The following ARL15 variants were observed in gnomAD, a reference collection of about 807,000 sequenced individuals.
ARL15 encodes the protein ADP-ribosylation factor-like protein 15.
ARL15 carries 19 observed loss-of-function variants against 25.2 expected under a neutral mutation model. That is an observed-to-expected ratio of 0.75 (90% CI 0.53 to 1.10). ARL15 has a LOEUF of 1.10. Among genes scored for constraint, ARL15 ranks in the 50% least tolerant of loss-of-function variants. The pLI, the probability that ARL15 is intolerant of heterozygous loss-of-function variation, is 0.00. For synonymous variants in ARL15, 94 were observed against 86.8 expected (o/e 1.08, Z -0.46); for missense variants, 220 against 246.0 (o/e 0.89, Z 0.71).
At chr5:54,153,476 G>T (rs1242527249) in intron 3 of ARL15, among the ~76,000 whole-genome samples, 1 of 152,010 alleles carries the variant, frequency 6.6e-6, no homozygotes. Context: ...ATAGAACACA[G>T]TCTTTTAAAA....
intron 3 of ARL15, among the ~76,000 whole-genome samples, chr5:54,146,318 G>A (rs183367544): frequency 2.0e-5 from 3 of 152,172 alleles, no homozygotes; most frequent in South Asian, 2.1e-4. Context: ...ATTTGTAGGG[G>A]CCAAAGCAAG....
intron 4 of ARL15, among the ~76,000 whole-genome samples, chr5:53,889,801 G>T (rs1212162232): frequency 1.4e-5 from 2 of 145,056 alleles, no homozygotes; most frequent in East Asian, 4.1e-4. Context: ...TTATGTTCTA[G>T]TTCTGACTGT....
intron 3 of ARL15, among the ~76,000 whole-genome samples, chr5:54,143,876 T>C: frequency 6.6e-6 from 1 of 152,206 alleles, no homozygotes; most frequent in Non-Finnish European, 1.5e-5. Flanking sequence ...TTTATGAATA[T>C]ATCATCCTAT....
chr5:54,064,829 T>C (rs1175912103), intron 4 of ARL15, among the ~76,000 whole-genome samples: 1 of 152,170 alleles, frequency 6.6e-6, no homozygotes, highest in African/African-American at 2.4e-5. Flanking sequence ...TCAACTTATA[T>C]GCAGATAAAA....
chr5:53,925,253 G>T (rs562681547), intron 4 of ARL15, among the ~76,000 whole-genome samples: 1 of 151,550 alleles, frequency 6.6e-6, no homozygotes, highest in Admixed American at 6.6e-5. Flanking sequence ...CTGGAGTGCA[G>T]TGGTGCAATC....
At chr5:54,160,625 T>C (rs1162695579) in intron 2 of ARL15, among the ~76,000 whole-genome samples, 1 of 152,210 alleles carries the variant, frequency 6.6e-6, no homozygotes. Flanking sequence ...TGCAAATTAC[T>C]CAAATTTTCT....
At chr5:54,079,907 T>C (rs1371098815) in intron 4 of ARL15, among the ~76,000 whole-genome samples, 1 of 149,234 alleles carries the variant, frequency 6.7e-6, no homozygotes, top group Non-Finnish European at 1.5e-5. Flanking sequence ...GAGGCGGAGG[T>C]TGCAGTGAGC....
At chr5:54,204,147 C>T (rs1317479399) in intron 1 of ARL15, among the ~76,000 whole-genome samples, 2 of 152,136 alleles carry the variant, frequency 1.3e-5, no homozygotes, top group Non-Finnish European at 2.9e-5. Context: ...GAGAGGAAAT[C>T]AATGTCTGTG....
Position 54,261,819 on chromosome 5 carries a change from T to C in ARL15, c.48+48613A>G, listed in dbSNP as rs149211583. Among the ~76,000 whole-genome samples, 955 of 152,168 alleles carry C rather than the reference T, an allele frequency of 6.3e-3. 7 individuals are homozygous for C. The highest frequency in any genetic ancestry group is 0.022 in the African/African-American group (914 of 41,506). On this transcript the variant is annotated intron_variant, in intron 1 of 4. Transcript: ENST00000504924. ...GGGTGGGGGTCACTTGCTCTTATCA[T>C]CTAGGAATGAACAAGCGAAAATTCC... is the stretch of plus-strand genomic sequence containing the variant.
chr5:54,048,057 C>T (rs1170372240), intron 4 of ARL15: 1 of 152,110 alleles, frequency 6.6e-6, no homozygotes, highest in Non-Finnish European at 1.5e-5. Context: ...TAGCTATTCA[C>T]AGGAGTAATC....
intron 4 of ARL15, among the ~76,000 whole-genome samples, chr5:54,110,941 G>C (rs1752721930): frequency 6.6e-6 from 1 of 152,062 alleles, no homozygotes; most frequent in South Asian, 2.1e-4. Flanking sequence ...ACAGTACACA[G>C]AGAAACTTCT....
intron 3 of ARL15, among the ~76,000 whole-genome samples, chr5:54,140,256 G>GA (rs11341805): frequency 5.1e-4 from 72 of 141,100 alleles, no homozygotes; most frequent in African/African-American, 1.6e-3. Context: ...GATTTTGAAA[G>GA]AAAAAAAAAA....
At position 53,896,641 on chromosome 5, in the gene ARL15, C is replaced by T. The variant is rs575131147; in HGVS notation, c.463-9928G>A. Among the ~76,000 whole-genome samples the T allele has an allele frequency of 4.4e-3, 666 of 151,964 alleles. 14 individuals are homozygous for T. The highest frequency in any genetic ancestry group is 1.9e-3 in the Non-Finnish European group (127 of 67,958). Reference sequence around the variant, plus strand: ...CCTCCAGAGCAGCTGGGACTACAGGCGCCCGCCACCACGCCCGGCTAATTT... The same window carrying T: ...CCTCCAGAGCAGCTGGGACTACAGGTGCCCGCCACCACGCCCGGCTAATTT... On this transcript the variant is annotated intron_variant, in intron 4 of 4. Transcript: ENST00000504924.
intron 4 of ARL15, among the ~76,000 whole-genome samples, chr5:53,954,845 T>A (rs147432405): frequency 2.0e-5 from 3 of 152,202 alleles, no homozygotes; most frequent in Non-Finnish European, 4.4e-5. Context: ...AACTATTTTA[T>A]GGAAAGAGCA....
At chr5:53,948,365 C>A (rs1309077751) in intron 4 of ARL15, among the ~76,000 whole-genome samples, 3 of 152,188 alleles carry the variant, frequency 2.0e-5, no homozygotes, top group Admixed American at 6.5e-5. Context: ...TATATGACTA[C>A]CTACAGAAGC....
At chr5:54,154,767 T>C (rs1579854046) in intron 2 of ARL15, 128 bp from the exon 3 acceptor site, 1 of 571,618 alleles carries the variant, frequency 1.7e-6, no homozygotes, top group East Asian at 3.3e-5. Flanking sequence ...ATATTTATAC[T>C]AGAAACACAT....
chr5:54,025,471 G>A (rs893653949), intron 4 of ARL15, among the ~76,000 whole-genome samples: 11 of 152,000 alleles, frequency 7.2e-5, no homozygotes, highest in Non-Finnish European at 5.9e-5. Flanking sequence ...AAGAACCTGA[G>A]GCAAATTTCT....
chr5:53,977,900 T>G (rs1490462601), intron 4 of ARL15, among the ~76,000 whole-genome samples: 1 of 151,344 alleles, frequency 6.6e-6, no homozygotes, highest in Non-Finnish European at 1.5e-5. Flanking sequence ...TGGAGTTTTA[T>G]AAAGTATTTT....
intron 3 of ARL15, among the ~76,000 whole-genome samples, chr5:54,144,235 A>T (rs1012596780): frequency 6.6e-6 from 1 of 151,758 alleles, no homozygotes; most frequent in African/African-American, 2.4e-5. Flanking sequence ...TTTTTCTCCT[A>T]CTATTTCTTT....
Sources: allele counts gnomAD v4.1 joint callset (sites outside exome capture counted in the v4.1 genomes callset), GRCh38; gene constraint gnomAD v4.1.1; transcripts MANE v1.5; gene names NCBI Gene and HGNC (gene_info 2026-07-23, HGNC 2026-07-21).